Variants in SAMD9 observed in about 807,000 individuals in gnomAD.
SAMD9 encodes sterile alpha motif domain containing 9.
In SAMD9, 3 loss-of-function variants were observed where a neutral mutation model predicts 1.5. That is an observed-to-expected ratio of 2.05 (90% confidence interval 0.93 to 5.29). The LOEUF is 5.29. SAMD9 is among the 30% of genes most tolerant of loss of function. The pLI, the probability that SAMD9 is intolerant of heterozygous loss-of-function variation, is 0.02. For missense variants in SAMD9, 1,597 were observed against 1,820.8 expected (o/e 0.88, Z 2.24); for synonymous variants, 635 against 631.9 (o/e 1.00, Z -0.07).
Position 93,102,400 on chromosome 7 carries a change from G to C in SAMD9, c.3698C>G (p.Ser1233Ter). The change falls in exon 3 of 3, where the codon TCA becomes TGA. Residue 1233 changes from serine (S) to a stop codon, truncating the protein, a stop_gained. Transcript: ENST00000379958. LOFTEE classifies it low-confidence loss of function (END_TRUNC). ...ATCCCCTGGAATATCACTACTTCCT[G>C]ATACAAAATTGACCATATATCTTTT... ...LSKRYMVNFV[S>*]GSSDIPGDPN... 6.2e-7 allele frequency: 1 copy of C among 1,610,738 alleles called. No homozygotes were observed. The highest frequency in any genetic ancestry group is 8.5e-7 in the Non-Finnish European group (1 of 1,177,314).
intron 2 of SAMD9, among the ~76,000 whole-genome samples, chr7:93,113,327 G>A (rs1017103355): frequency 2.2e-4 from 34 of 152,136 alleles, no homozygotes; most frequent in African/African-American, 2.2e-4. Flanking sequence ...AGACTTAAAC[G>A]TTAGAGCTAA....
intron 1 of SAMD9, 114 bp downstream of exon 1, chr7:93,117,748 AT>A (rs1199728436): frequency 6.6e-6 from 1 of 152,172 alleles, no homozygotes; most frequent in Non-Finnish European, 1.5e-5. Context: ...TTAGAATACT[AT>A]TTTTTGTTTT....
rs1791552184 is a variant in SAMD9, at chr7:93,102,552, A to G, written c.3546T>C (p.Tyr1182=). ...TATCATACCGCCTTTTTGACTTCGG[A>G]TACAATCTTTCCTTCACTTCATACT... ...DREYEVKERL[Y]PKSKRRYDTY... is the part of the protein sequence containing the mutation. Residue 1182 remains tyrosine (Y), a synonymous_variant, in exon 3 of 3, where the codon TAT becomes TAC. Coordinates refer to ENST00000379958, the MANE Select transcript of SAMD9 (RefSeq NM_017654.4). The G allele has an allele frequency of 2.5e-6, 4 of 1,613,680 alleles. No individual in the cohort carries two copies. The highest frequency in any genetic ancestry group is 1.7e-5 in the Admixed American group (1 of 59,984).
intron 2 of SAMD9, among the ~76,000 whole-genome samples, chr7:93,113,650 C>T (rs1176691884): frequency 6.6e-6 from 1 of 152,166 alleles, no homozygotes; most frequent in Non-Finnish European, 1.5e-5. Flanking sequence ...GATGAACAGA[C>T]ACTTCTCAAA....
rs6969691 is a variant in SAMD9 at position 93,105,670 on chromosome 7, A to G, written c.428T>C (p.Ile143Thr). 0.12 allele frequency: 197,591 copies of G among 1,613,916 alleles called. 13,780 individuals carry two copies. The highest frequency in any genetic ancestry group is 0.28 in the African/African-American group (20,909 of 74,962). The change falls in exon 3 of 3, where the codon ATA becomes ACA. Residue 143 changes from isoleucine (I) to threonine (T), a missense_variant. Ile to Thr is a moderately conservative substitution (Grantham distance 89). Transcript: ENST00000379958. The stretch of plus-strand genomic sequence containing the variant: ...CTTTGTATAATCTATTTTATCTTCT[A>G]TGAGCTCAACTTTTAGTGACTTAGA... Reference protein sequence around the residue: ...KGSKSLKVELIEDKIDYTKER... With the variant: ...KGSKSLKVELTEDKIDYTKER...
rs201390140 is a variant in SAMD9 at position 93,105,794 on chromosome 7, A to T, written c.304T>A (p.Ser102Thr). Residue 102 changes from serine to threonine, a missense_variant, in exon 3 of 3, where the codon TCT becomes ACT. Physicochemically the swap from Ser to Thr is moderately conservative, Grantham distance 58. Transcript: ENST00000379958. ...GAAGTTTCTCTACGTTCCTTTTGAGACACAGTTTGGTCTTTAGGAGCATTT... is the reference window on the plus strand; with the variant it reads ...GAAGTTTCTCTACGTTCCTTTTGAGTCACAGTTTGGTCTTTAGGAGCATTT... ...SKNAPKDQTV[S>T]QKERRETSKQ... 10 of 1,613,990 alleles carry T rather than the reference A, an allele frequency of 6.2e-6. No homozygotes were observed. Among genetic ancestry groups the T allele is most frequent in the Non-Finnish European group, 8.5e-6 (10 of 1,180,012 alleles).
intron 2 of SAMD9, among the ~76,000 whole-genome samples, chr7:93,111,264 C>G (rs935329957): frequency 2.0e-5 from 3 of 152,162 alleles, no homozygotes; most frequent in Non-Finnish European, 4.4e-5. Context: ...CCAACAAGAA[C>G]AAAGACACAA....
At position 93,102,367 on chromosome 7, in the gene SAMD9, T is replaced by C. The variant is rs1338996171; in HGVS notation, c.3731A>G (p.Asn1244Ser). The change falls in exon 3 of 3, where the codon AAT (asparagine) becomes AGT (serine). Residue 1244 changes from asparagine (N) to serine (S), a missense_variant. This residue lies in a region of SAMD9 where 682 missense variants were observed against 810.0 expected (regional missense o/e 0.84). Coordinates refer to ENST00000379958, the MANE Select transcript of SAMD9 (RefSeq NM_017654.4). ...GTTTTTGAGGGCTAATTTATATTCA[T>C]TGTTTGGATCCCCTGGAATATCACT... ...GSSDIPGDPN[N>S]EYKLALKNYI... 1 of 1,608,528 alleles carries C rather than the reference T, an allele frequency of 6.2e-7. No individual in the cohort carries two copies. Among genetic ancestry groups the C allele is most frequent in the Non-Finnish European group, 8.5e-7 (1 of 1,175,546 alleles).
chr7:93,116,875 A>G (rs1791840577), intron 1 of SAMD9, among the ~76,000 whole-genome samples: 1 of 152,224 alleles, frequency 6.6e-6, no homozygotes, highest in Non-Finnish European at 1.5e-5. Context: ...TTGAACCCAC[A>G]TACATTTTTT....
intron 1 of SAMD9, among the ~76,000 whole-genome samples, chr7:93,116,414 G>A (rs906481000): frequency 6.6e-6 from 1 of 152,278 alleles, no homozygotes; most frequent in East Asian, 1.9e-4. Flanking sequence ...TTCTCTACTA[G>A]AGACACTATG....
chr7:93,111,547 G>A (rs571531264), intron 2 of SAMD9, among the ~76,000 whole-genome samples: 4 of 152,030 alleles, frequency 2.6e-5, no homozygotes, highest in Non-Finnish European at 5.9e-5. Flanking sequence ...TCAACAAAAT[G>A]GATAGACTGC....
chr7:93,103,862 A>G lies in SAMD9; in HGVS notation c.2236T>C (p.Leu746=). 1 of 1,614,040 alleles carries G rather than the reference A, an allele frequency of 6.2e-7. No individual in the cohort carries two copies. The highest frequency in any genetic ancestry group is 8.5e-7 in the Non-Finnish European group (1 of 1,179,890). ...YHHPGCGGTT[L]AMHILWELRK... ...AGTTCCCAGAGAATGTGCATAGCCA[A>G]GGTAGTTCCCCCACAGCCTGGATGA... The change falls in exon 3 of 3, where the codon TTG becomes CTG. Residue 746 remains leucine (L), a synonymous_variant. Coordinates refer to ENST00000379958, the MANE Select transcript of SAMD9 (RefSeq NM_017654.4).
chr7:93,110,832 C>T (rs1430333875), intron 2 of SAMD9, among the ~76,000 whole-genome samples: 1 of 152,136 alleles, frequency 6.6e-6, no homozygotes, highest in East Asian at 1.9e-4. Flanking sequence ...TACAAAGAGA[C>T]TTAGACTCCC....
chr7:93,100,291 T>C lies in SAMD9; in HGVS notation c.*1037A>G, dbSNP rs1413443484. 1 of 152,168 alleles carries C rather than the reference T, an allele frequency of 6.6e-6. No individual in the cohort carries two copies. The highest frequency in any genetic ancestry group is 1.5e-5 in the Non-Finnish European group (1 of 68,028). 9.4% of individuals were successfully genotyped at this position (152,168 alleles called of 1,614,324 possible). A position where few individuals can be genotyped will look rare whatever the true frequency, so the allele number is the denominator to read the frequency against. On this transcript the variant is annotated 3_prime_UTR_variant, in exon 3 of 3. Coordinates refer to ENST00000379958, the MANE Select transcript of SAMD9 (RefSeq NM_017654.4). ...CCTGATCAAATTCAGGTTTAATTAT[T>C]TGGCAAGACCATGTCACGGGTGATG...
At position 93,102,798 on chromosome 7, in the gene SAMD9, G is replaced by A; in HGVS notation, c.3300C>T (p.Gly1100=). 4.3e-6 allele frequency: 7 copies of A among 1,613,840 alleles called. No individual in the cohort carries two copies. Among genetic ancestry groups the A allele is most frequent in the Non-Finnish European group, 5.9e-6 (7 of 1,179,774 alleles). Residue 1100 remains glycine (G), a synonymous_variant, in exon 3 of 3, where the codon GGC becomes GGT. Transcript: ENST00000379958. ...CTTGTTTTGCCCAGTTTAGAGCATT[G>A]CCAAAGTCCTTCTTTTTAATGTAGA... ...RHFYIKKKDF[G]NALNWAKQAK...
At position 93,102,906 on chromosome 7, in the gene SAMD9, A is replaced by C. The variant is rs373641119; in HGVS notation, c.3192T>G (p.Asn1064Lys). 19 of 1,613,738 alleles carry C rather than the reference A, an allele frequency of 1.2e-5. No homozygotes were observed. Among genetic ancestry groups the C allele is most frequent in the South Asian group, 7.7e-5 (7 of 91,084 alleles). The change falls in exon 3 of 3, where the codon AAT becomes AAG. Residue 1064 changes from asparagine (N) to lysine (K), a missense_variant. By Grantham distance (94) the Asn-to-Lys change is moderately conservative (BLOSUM62 0). Around this residue, in one of 6 missense-constraint regions of SAMD9, gnomAD observed 682 missense variants for 810.0 expected, o/e 0.84. Transcript: ENST00000379958. ...CAAGCAATACAGCTTCAACTGCTTC[A>C]TTTCCTTCATCTTTATGTAATGCTT... ...FIEALHKDEG[N>K]EAVEAVLLES...
At position 93,102,998 on chromosome 7, in the gene SAMD9, G is replaced by A. The variant is rs1490656723; in HGVS notation, c.3100C>T (p.Leu1034Phe). 8.1e-6 allele frequency: 13 copies of A among 1,613,750 alleles called. No homozygotes were observed. The highest frequency in any genetic ancestry group is 1.1e-5 in the Non-Finnish European group (13 of 1,179,820). ...TCATCGCGGTGTCTTGTGAGTAGGA[G>A]TGTGTGCATATCTTGCAAAAATTTA... ...KSKFLQDMHT[L>F]LLTRHRDEHE... Residue 1034 changes from leucine to phenylalanine, a missense_variant, in exon 3 of 3, where the codon CTC becomes TTC. Physicochemically the swap from Leu to Phe is conservative, Grantham distance 22. Transcript: ENST00000379958.
In SAMD9 at chr7:93,106,108, A is replaced by C. The variant is rs923384952; in HGVS notation, c.-8-3T>G. ...AAGTTGCTTTGCCATTCTGATACCT[A>C]TATGTAGAAAAAGAAAAATTATTTA... On this transcript the variant is annotated splice_polypyrimidine_tract_variant and splice_region_variant and intron_variant, in intron 2 of 2. Transcript: ENST00000379958. 1 of 1,552,704 alleles carries C rather than the reference A, an allele frequency of 6.4e-7. No individual in the cohort carries two copies. The highest frequency in any genetic ancestry group is 8.7e-7 in the Non-Finnish European group (1 of 1,153,368).
In SAMD9 at chr7:93,103,575, A is replaced by G. The variant is rs370523354; in HGVS notation, c.2523T>C (p.Pro841=). 6.2e-7 allele frequency: 1 copy of G among 1,613,080 alleles called. No homozygotes were observed. Among genetic ancestry groups the G allele is most frequent in the Non-Finnish European group, 8.5e-7 (1 of 1,179,412 alleles). ...TGTCTGGGATCCTTGCACTTTTTTCAGGATTTTGTGATCTCATACAATTTA... is the reference window on the plus strand; with the variant it reads ...TGTCTGGGATCCTTGCACTTTTTTCGGGATTTTGTGATCTCATACAATTTA... The part of the protein sequence containing the change: ...IILNCMRSQN[P]EKSARIPDSI... The change falls in exon 3 of 3, where the codon CCT becomes CCC. Residue 841 remains proline, a synonymous_variant. Transcript: ENST00000379958.
Sources: allele counts gnomAD v4.1 joint callset (sites outside exome capture counted in the v4.1 genomes callset), GRCh38; gene constraint gnomAD v4.1.1; regional missense constraint gnomAD v4.1.1; transcripts MANE v1.5; gene names NCBI Gene and HGNC (gene_info 2026-07-23, HGNC 2026-07-21).